CNTNAP2: variants seen among roughly 807,000 people sequenced by gnomAD.
The protein encoded by CNTNAP2 is contactin-associated protein-like 2.
CNTNAP2 carries 98 observed loss-of-function variants against 155.2 expected under a neutral mutation model. That is an observed-to-expected ratio of 0.63 (90% CI 0.54 to 0.75). The LOEUF is 0.75. Ranked by LOEUF, CNTNAP2 falls within the 30% of genes least tolerant of loss-of-function variation. CNTNAP2 has a pLI of 0.00. For missense variants in CNTNAP2, 1,727 were observed against 1,688.1 expected (o/e 1.02, Z -0.40); for synonymous variants, 651 against 631.2 (o/e 1.03, Z -0.47).
At chr7:146,598,371 T>C (rs1233961305) in intron 1 of CNTNAP2, among the ~76,000 whole-genome samples, 1 of 152,142 alleles carries the variant, frequency 6.6e-6, no homozygotes, top group African/African-American at 2.4e-5. Context: ...AGTTCCTGCC[T>C]ATTTCTCTGC....
chr7:147,348,832 A>G (rs1350921044), intron 9 of CNTNAP2, among the ~76,000 whole-genome samples: 1 of 152,022 alleles, frequency 6.6e-6, no homozygotes, highest in Admixed American at 6.6e-5. Context: ...ATGAAATCCT[A>G]TCATTTGTGG....
In CNTNAP2 at chr7:146,706,408, A is replaced by C. The variant is rs553293212; in HGVS notation, c.98-67863A>C. 3.9e-5 allele frequency among the ~76,000 whole-genome samples: 6 copies of C among 152,240 alleles called. No homozygotes were observed. The South Asian group carries it at 8.3e-4, about 21-fold the overall frequency. On this transcript the variant is annotated intron_variant, in intron 1 of 23. Transcript: ENST00000361727. ...TATGAAGAAAAATTAAAAAAGAAAGAGATTCATGGAGATCTTCTCAGCCTG... is the reference window on the plus strand; with the variant it reads ...TATGAAGAAAAATTAAAAAAGAAAGCGATTCATGGAGATCTTCTCAGCCTG...
intron 3 of CNTNAP2, among the ~76,000 whole-genome samples, chr7:146,972,290 C>T (rs1797817475): frequency 6.6e-6 from 1 of 152,098 alleles, no homozygotes; most frequent in African/African-American, 2.4e-5. Context: ...TGTACATATA[C>T]AGGTAGCCTA....
At chr7:147,840,426 C>G (rs1316198420) in intron 13 of CNTNAP2, among the ~76,000 whole-genome samples, 1 of 152,130 alleles carries the variant, frequency 6.6e-6, no homozygotes, top group Non-Finnish European at 1.5e-5. Flanking sequence ...GAGGAAGGAG[C>G]CTATCTGCAG....
intron 1 of CNTNAP2, among the ~76,000 whole-genome samples, chr7:146,191,579 C>T (rs1317577773): frequency 6.6e-6 from 1 of 152,076 alleles, no homozygotes; most frequent in Non-Finnish European, 1.5e-5. Context: ...GAGACCAGGG[C>T]TTATTTCATC....
intron 21 of CNTNAP2, among the ~76,000 whole-genome samples, chr7:148,289,230 G>A (rs117993997): frequency 0.03 from 4,554 of 152,304 alleles, 89 homozygotes; most frequent in Non-Finnish European, 0.042. Context: ...ATTTGGAAAG[G>A]AGAAGGTGAA....
At chr7:147,114,601 A>C (rs1255511148) in intron 5 of CNTNAP2, among the ~76,000 whole-genome samples, 2 of 152,078 alleles carry the variant, frequency 1.3e-5, no homozygotes, top group Admixed American at 6.5e-5. Flanking sequence ...TGGTGGGTTA[A>C]AGTCTGTTTT....
intron 14 of CNTNAP2, among the ~76,000 whole-genome samples, chr7:147,924,143 C>CTTTTTTTTTTTTTTTTTTTTTTTT (rs71527854): frequency 1.6e-5 from 2 of 123,494 alleles, no homozygotes; most frequent in Non-Finnish European, 3.3e-5. Flanking sequence ...CTTTTCTTTT[C>CTTTTTTTTTTTTTTTTTTTTTTTT]TTTTTTTTTT....
chr7:147,861,252 G>C (rs1008184650), intron 13 of CNTNAP2, among the ~76,000 whole-genome samples: 1 of 152,124 alleles, frequency 6.6e-6, no homozygotes, highest in Non-Finnish European at 1.5e-5. Flanking sequence ...ACATAATGGT[G>C]GTTATTGAGC....
At chr7:146,187,884 C>T (rs1325334802) in intron 1 of CNTNAP2, among the ~76,000 whole-genome samples, 3 of 152,060 alleles carry the variant, frequency 2.0e-5, no homozygotes, top group Non-Finnish European at 4.4e-5. Context: ...GTAGTTTTTC[C>T]ACAACCCATT....
chr7:148,101,052 A>G (rs1458106938), intron 15 of CNTNAP2, among the ~76,000 whole-genome samples: 3 of 147,156 alleles, frequency 2.0e-5, no homozygotes, highest in Non-Finnish European at 4.5e-5. Flanking sequence ...ACACCACCGC[A>G]TGTTCTCACT....
chr7:147,484,665 C>T (rs538067503), intron 10 of CNTNAP2, among the ~76,000 whole-genome samples: 100 of 152,360 alleles, frequency 6.6e-4, no homozygotes, highest in African/African-American at 2.2e-3. Flanking sequence ...CCATGCCAAA[C>T]TGAGCCAAGC....
intron 3 of CNTNAP2, among the ~76,000 whole-genome samples, chr7:146,894,974 C>G (rs535313766): frequency 1.3e-5 from 2 of 152,120 alleles, no homozygotes; most frequent in South Asian, 4.1e-4. Context: ...ACTACATTCT[C>G]CCAACCATTT....
intron 9 of CNTNAP2, among the ~76,000 whole-genome samples, chr7:147,311,138 C>T (rs1034297551): frequency 6.6e-6 from 1 of 152,108 alleles, no homozygotes; most frequent in African/African-American, 2.4e-5. Context: ...TTTGCTAAAA[C>T]TGGATTTTAC....
intron 1 of CNTNAP2, among the ~76,000 whole-genome samples, chr7:146,445,025 T>C (rs954816308): frequency 7.9e-5 from 12 of 151,680 alleles, no homozygotes; most frequent in Admixed American, 7.9e-4. Context: ...CCAGGGACAT[T>C]CTGCTCAAAT....
intron 10 of CNTNAP2, among the ~76,000 whole-genome samples, chr7:147,416,501 G>T (rs1197108089): frequency 6.6e-6 from 1 of 152,200 alleles, no homozygotes; most frequent in African/African-American, 2.4e-5. Context: ...AGTGTTCACA[G>T]TGCCCCATAT....
intron 21 of CNTNAP2, among the ~76,000 whole-genome samples, chr7:148,331,923 GCTGC>G (rs1166283247): frequency 2.6e-5 from 4 of 152,108 alleles, no homozygotes; most frequent in Admixed American, 6.5e-5. Flanking sequence ...AGAAAATGGA[GCTGC>G]CTGCCTGCCT....
At chr7:147,050,457 T>C (rs1052066817) in intron 4 of CNTNAP2, among the ~76,000 whole-genome samples, 1 of 152,292 alleles carries the variant, frequency 6.6e-6, no homozygotes, top group African/African-American at 2.4e-5. Flanking sequence ...TTAATTTGGA[T>C]GAATAAATAA....
chr7:147,514,577 A>G (rs749871055), intron 11 of CNTNAP2, among the ~76,000 whole-genome samples: 19 of 151,896 alleles, frequency 1.3e-4, no homozygotes, highest in Admixed American at 4.6e-4. Flanking sequence ...TTAGAAAAGC[A>G]TGAGGTTAAT....
Sources: gnomAD v4.1 joint callset for allele counts (sites outside exome capture counted in the v4.1 genomes callset) on GRCh38, gnomAD v4.1.1 for gene constraint, MANE v1.5 for transcripts, NCBI Gene and HGNC (gene_info 2026-07-23, HGNC 2026-07-21) for gene names.